Variants in AHCTF1 observed in about 807,000 individuals in gnomAD.
The protein encoded by AHCTF1 is protein ELYS.
A neutral mutation model predicts 248.4 loss-of-function variants in AHCTF1; 24 were observed. The observed-to-expected ratio is 0.10, with a 90% confidence interval of 0.07 to 0.14. The LOEUF is 0.14. Among genes scored for constraint, AHCTF1 ranks in the 10% least tolerant of loss-of-function variants. The pLI is 1.00. For missense variants in AHCTF1, 2,206 were observed against 2,636.2 expected, an observed-to-expected ratio of 0.84 and a Z score of 3.57; for synonymous variants, 786 against 929.8, an observed-to-expected ratio of 0.85 and a Z score of 2.81.
chr1:246,861,433 T>C, intron 28 of AHCTF1, 138 bp from the exon 29 acceptor site: 1 of 850,964 alleles, frequency 1.2e-6, no homozygotes, highest in Non-Finnish European at 1.8e-6. Context: ...AATTCATTTA[T>C]TCTAAATCCA....
rs181712276 is a variant in AHCTF1 at position 246,868,285 on chromosome 1, C to T, written c.3089-474G>A. On this transcript the variant is annotated intron_variant, in intron 24 of 35. Transcript: ENST00000648844. ...CTGGGACTACAGGAATGTGCCACCA[C>T]GCTAATTTTTGTATTCTAAAGTAAA... is the stretch of plus-strand genomic sequence containing the variant. Among the ~76,000 whole-genome samples the T allele has an allele frequency of 5.0e-3, 756 of 152,158 alleles. 5 individuals carry two copies. Among genetic ancestry groups the T allele is most frequent in the Non-Finnish European group, 7.7e-3 (526 of 67,994 alleles).
chr1:246,869,042 C>T (rs1662318170), intron 24 of AHCTF1, among the ~76,000 whole-genome samples: 1 of 151,562 alleles, frequency 6.6e-6, no homozygotes, highest in African/African-American at 2.4e-5. Flanking sequence ...GACGGGGTTT[C>T]ACCATGTTGG....
chr1:246,857,933 T>A, intron 29 of AHCTF1, 119 bp from the exon 30 acceptor site: 1 of 885,472 alleles, frequency 1.1e-6, no homozygotes. Context: ...TTAGGTTTGC[T>A]GCTGTGTTAT....
intron 21 of AHCTF1, among the ~76,000 whole-genome samples, chr1:246,882,310 A>G (rs1053809800): frequency 1.3e-5 from 2 of 152,144 alleles, no homozygotes; most frequent in African/African-American, 4.8e-5. Context: ...TATTACTTTT[A>G]AACAGAGCAA....
intron 5 of AHCTF1, 143 bp from the exon 6 acceptor site, chr1:246,905,800 T>C (rs1280058607): frequency 1.6e-6 from 1 of 636,390 alleles, no homozygotes; most frequent in East Asian, 2.8e-5. Flanking sequence ...CAAGTCATCT[T>C]ATCTGCAAAA....
intron 4 of AHCTF1, among the ~76,000 whole-genome samples, chr1:246,911,170 G>A (rs1461804557): frequency 2.0e-5 from 3 of 152,116 alleles, no homozygotes; most frequent in Non-Finnish European, 2.9e-5. Flanking sequence ...ACTGACCTCT[G>A]AAATGAAGGA....
rs1321592894 is a variant in AHCTF1, at chr1:246,840,764, A to G, written c.*42T>C. On this transcript the variant is annotated 3_prime_UTR_variant, in exon 36 of 36. Transcript: ENST00000648844. ...ATATTTAATAATCCACACTATTCTG[A>G]TGACTTTACAAATAGGTGTACATTA... is the stretch of plus-strand genomic sequence containing the variant. 1 of 1,439,982 alleles carries G rather than the reference A, an allele frequency of 6.9e-7. No homozygotes were observed. The highest frequency in any genetic ancestry group is 9.5e-7 in the Non-Finnish European group (1 of 1,053,092). 89.2% of individuals were successfully genotyped at this position (1,439,982 alleles called of 1,614,324 possible). A position where few individuals can be genotyped will look rare whatever the true frequency, so the allele number is the denominator to read the frequency against.
chr1:246,853,704 T>C (rs1660888701), intron 31 of AHCTF1, among the ~76,000 whole-genome samples: 1 of 152,144 alleles, frequency 6.6e-6, no homozygotes, highest in Non-Finnish European at 1.5e-5. Flanking sequence ...AAAGAATGAA[T>C]CTCTTTTGGC....
At chr1:246,859,522 C>G (rs571535629) in intron 29 of AHCTF1, among the ~76,000 whole-genome samples, 3 of 152,290 alleles carry the variant, frequency 2.0e-5, no homozygotes, top group South Asian at 2.1e-4. Flanking sequence ...TAGGAGCTAA[C>G]AGGAATACAT....
In AHCTF1 at chr1:246,842,738, T is replaced by A. The variant is rs779247793; in HGVS notation, c.6564A>T (p.Pro2188=). ...TTGACGTCCTGATTCGTTTCGCTTT[T>A]GGCTTTCCCAGAGTTTCTACTGATT... is the stretch of plus-strand genomic sequence containing the variant. ...DAQSVETLGK[P]KAKRIRTSKT... The change falls in exon 35 of 36, where the codon CCA becomes CCT. Residue 2188 remains proline (P), a synonymous_variant. Transcript: ENST00000648844. The A allele has an allele frequency of 1.2e-6, 2 of 1,613,808 alleles. No homozygotes were observed.
At chr1:246,909,071 ATATATC>A (rs1001809040) in intron 4 of AHCTF1, among the ~76,000 whole-genome samples, 2 of 133,750 alleles carry the variant, frequency 1.5e-5, no homozygotes, top group Non-Finnish European at 3.1e-5. Context: ...CTATATCTAT[ATATATC>A]TATATCTATC....
intron 11 of AHCTF1, 36 bp downstream of exon 11, chr1:246,899,415 T>C: frequency 6.6e-7 from 1 of 1,509,698 alleles, no homozygotes; most frequent in Non-Finnish European, 9.1e-7. Context: ...AAGATCTGAC[T>C]TCAGTTCAAT....
At chr1:246,891,671 G>C in intron 15 of AHCTF1, 108 bp downstream of exon 15, 1 of 1,184,638 alleles carries the variant, frequency 8.4e-7, no homozygotes, top group Non-Finnish European at 1.2e-6. Flanking sequence ...GAGAAATAAA[G>C]TCCTCTTTAC....
intron 6 of AHCTF1, among the ~76,000 whole-genome samples, chr1:246,904,694 C>T (rs1665259511): frequency 6.6e-6 from 1 of 152,206 alleles, no homozygotes; most frequent in African/African-American, 2.4e-5. Context: ...CTGTAGTGAA[C>T]TCAAGCACGA....
Position 246,850,612 on chromosome 1 carries a change from C to T in AHCTF1, c.5394G>A (p.Gln1798=). ...NIYSDVRGLS[Q]NQQIPQNSVT... is the part of the protein sequence containing the mutation. The stretch of plus-strand genomic sequence containing the variant: ...CAGAATTTTGAGGTATTTGCTGGTT[C>T]TGAGATAGTCCTCTGACATCAGAAT... Residue 1798 remains glutamine (Q), a synonymous_variant, in exon 33 of 36, where the codon CAG becomes CAA. Transcript: ENST00000648844. 6.2e-7 allele frequency: 1 copy of T among 1,613,604 alleles called. No individual in the cohort carries two copies. Among genetic ancestry groups the T allele is most frequent in the East Asian group, 2.2e-5 (1 of 44,862 alleles).
chr1:246,856,565 T>C (rs1286592767), intron 30 of AHCTF1, among the ~76,000 whole-genome samples: 1 of 151,772 alleles, frequency 6.6e-6, no homozygotes. Flanking sequence ...ATGTGATTCC[T>C]TCTCATGCTG....
At chr1:246,926,929 C>A (rs922658071) in intron 1 of AHCTF1, among the ~76,000 whole-genome samples, 1 of 152,136 alleles carries the variant, frequency 6.6e-6, no homozygotes, top group Non-Finnish European at 1.5e-5. Context: ...AATCCCAGCA[C>A]TTTGGGAGGC....
At chr1:246,870,283 A>T (rs964776569) in intron 24 of AHCTF1, among the ~76,000 whole-genome samples, 7 of 152,122 alleles carry the variant, frequency 4.6e-5, no homozygotes, top group African/African-American at 1.7e-4. Flanking sequence ...CTCTACAAAA[A>T]ATACCCAGGC....
intron 26 of AHCTF1, 139 bp downstream of exon 26, chr1:246,867,105 C>A: frequency 1.8e-6 from 1 of 545,182 alleles, no homozygotes; most frequent in Non-Finnish European, 3.1e-6. Flanking sequence ...TTACTGCTGC[C>A]CAAAGTATAA....
Sources: allele counts gnomAD v4.1 joint callset (sites outside exome capture counted in the v4.1 genomes callset), GRCh38; gene constraint gnomAD v4.1.1; transcripts MANE v1.5; gene names NCBI Gene and HGNC (gene_info 2026-07-23, HGNC 2026-07-21).